Variants in NDEL1 observed in about 807,000 individuals in gnomAD.
NDEL1 encodes nuclear distribution protein nudE-like 1.
A neutral mutation model predicts 45.7 loss-of-function variants in NDEL1; 9 were observed. The observed-to-expected ratio is 0.20, with a 90% CI of 0.12 to 0.34. The LOEUF is 0.34. Among genes scored for constraint, NDEL1 ranks in the 10% least tolerant of loss-of-function variants. NDEL1 has a pLI of 1.00. For synonymous variants in NDEL1, 133 were observed against 158.6 expected (o/e 0.84, Z 1.21); for missense variants, 306 against 406.2 (o/e 0.75, Z 2.12).
At chr17:8,446,489 C>T (rs551382485) in intron 3 of NDEL1, among the ~76,000 whole-genome samples, 59 of 152,204 alleles carry the variant, frequency 3.9e-4, no homozygotes, top group Non-Finnish European at 7.2e-4. Context: ...AACAAGTTTG[C>T]GGATTTTGAG....
In NDEL1 at chr17:8,465,664, C is replaced by T. The variant is rs1466598533; in HGVS notation, c.945-1266C>T. ...TTTTTTTTTTAAGGAGAACCTCTCT[C>T]CATGAGTCTGTATTTAGCTCCCTGG... On this transcript the variant is annotated intron_variant, in intron 8 of 8. Coordinates refer to ENST00000334527, the MANE Select transcript of NDEL1 (RefSeq NM_030808.5). This position sits in a 1 kb window ranked among gnomAD's most constrained non-coding sequence, Gnocchi z 4.9. 1 of 151,956 alleles carries T rather than the reference C, an allele frequency of 6.6e-6. No individual in the cohort carries two copies. Among genetic ancestry groups the T allele is most frequent in the Non-Finnish European group, 1.5e-5 (1 of 68,056 alleles). The allele number at this position is 151,956 out of a possible 1,614,324, so 9.4% of individuals were successfully genotyped here.
intron 8 of NDEL1, chr17:8,463,190 T>C (rs1911331275): frequency 1.6e-6 from 1 of 631,480 alleles, no homozygotes; most frequent in Admixed American, 3.1e-5. Flanking sequence ...TTAGGTAACA[T>C]GTGCTCTATT....
intron 7 of NDEL1, among the ~76,000 whole-genome samples, chr17:8,456,454 A>G (rs1406346225): frequency 1.4e-5 from 2 of 147,260 alleles, no homozygotes; most frequent in Admixed American, 6.7e-5. Flanking sequence ...TTACTTTAAC[A>G]TTCTTGAACT....
intron 1 of NDEL1, among the ~76,000 whole-genome samples, chr17:8,422,123 A>G (rs1347635971): frequency 1.3e-5 from 2 of 152,148 alleles, no homozygotes; most frequent in Non-Finnish European, 2.9e-5. Context: ...CTGGGGGTGG[A>G]GGGTAGACCT....
At chr17:8,432,347 A>ATATATATATATATTAT (rs1597516746), upstream of NDEL1, among the ~76,000 whole-genome samples, 1 of 58,444 alleles carries the variant, frequency 1.7e-5, no homozygotes, top group Non-Finnish European at 3.8e-5. Flanking sequence ...ATTATATATA[A>ATATATATATATATTAT]ATATAAATAT....
At chr17:8,443,146 T>C (rs1242911633) in intron 1 of NDEL1, among the ~76,000 whole-genome samples, 1 of 152,214 alleles carries the variant, frequency 6.6e-6, no homozygotes. Flanking sequence ...GAATCAATTA[T>C]GGTTTAATTC....
chr17:8,449,482 T>TG, intron 5 of NDEL1, among the ~76,000 whole-genome samples: 1 of 152,328 alleles, frequency 6.6e-6, no homozygotes, highest in East Asian at 1.9e-4. Flanking sequence ...GTCAAATTGT[T>TG]GTGTAAACAA....
At chr17:8,458,004 C>A (rs1260951625) in intron 7 of NDEL1, among the ~76,000 whole-genome samples, 1 of 151,950 alleles carries the variant, frequency 6.6e-6, no homozygotes, top group Non-Finnish European at 1.5e-5. Context: ...AAAGCGTGTC[C>A]CCATTTATTG....
At chr17:8,429,245 T>C (rs1015685342) in intron 1 of NDEL1, among the ~76,000 whole-genome samples, 2 of 152,224 alleles carry the variant, frequency 1.3e-5, no homozygotes, top group Non-Finnish European at 2.9e-5. Flanking sequence ...TTTGAAGTTA[T>C]AGCCACCAGA....
chr17:8,463,461 G>T, intron 8 of NDEL1: 1 of 1,022,756 alleles, frequency 9.8e-7, no homozygotes, highest in Non-Finnish European at 1.5e-6. Flanking sequence ...GGCTGACTCA[G>T]CTTTAACCAA....
chr17:8,452,336 G>A (rs1910557902), intron 6 of NDEL1, among the ~76,000 whole-genome samples: 1 of 152,194 alleles, frequency 6.6e-6, no homozygotes, highest in Non-Finnish European at 1.5e-5. Flanking sequence ...CCCACAGGTG[G>A]TGCACATTTT....
chr17:8,435,708 T>C, upstream of NDEL1: 1 of 332,080 alleles, frequency 3.0e-6, no homozygotes, highest in South Asian at 2.1e-5. Context: ...CAGGAGCGCC[T>C]GCGCAAGAGG....
At chr17:8,429,750 A>T (rs1244345181) in intron 1 of NDEL1, among the ~76,000 whole-genome samples, 1 of 152,106 alleles carries the variant, frequency 6.6e-6, no homozygotes, top group Non-Finnish European at 1.5e-5. Flanking sequence ...GTATGAGACT[A>T]CTTTGTTCCT....
intron 1 of NDEL1, among the ~76,000 whole-genome samples, chr17:8,415,463 C>G (rs1369803095): frequency 8.5e-6 from 1 of 118,252 alleles, no homozygotes; most frequent in Non-Finnish European, 1.8e-5. Flanking sequence ...GAGATAGGGT[C>G]TCACTCTGTT....
At chr17:8,418,791 TCTTTTCTTTTC>T (rs927075172) in intron 1 of NDEL1, among the ~76,000 whole-genome samples, 11 of 150,634 alleles carry the variant, frequency 7.3e-5, no homozygotes, top group Non-Finnish European at 1.3e-4. Flanking sequence ...CTCCTTTCTT[TCTTTTCTTTTC>T]CTTTTCTTTT....
At chr17:8,471,999 A>G (rs2012190), downstream of NDEL1, among the ~76,000 whole-genome samples, 147,840 of 152,272 alleles carry the variant, frequency 0.97, 71,931 homozygotes, top group East Asian at 1. Context: ...CCTGGAACTC[A>G]AGGGAGAGGA....
chr17:8,435,098 A>AACAC (rs574370055), upstream of NDEL1, among the ~76,000 whole-genome samples: 6 of 152,016 alleles, frequency 3.9e-5, no homozygotes, highest in South Asian at 1.3e-3. Context: ...CAAACAAACA[A>AACAC]AAACCAAGAT....
chr17:8,450,128 C>CA (rs910157013), intron 5 of NDEL1, among the ~76,000 whole-genome samples: 21 of 144,692 alleles, frequency 1.5e-4, no homozygotes, highest in East Asian at 4.0e-4. Flanking sequence ...ACTAAAAATT[C>CA]AAAAAAAAAA....
Position 8,466,907 on chromosome 17 carries a change from C to T in NDEL1, c.945-23C>T, listed in dbSNP as rs748117325. ...TTTTTCGTTTCCCCTTTCTTCCCTT[C>T]TGTGCTCTGGTTGCTCCCACAGGGC... On this transcript the variant is annotated intron_variant, in intron 8 of 8. Transcript: ENST00000334527. 37 of 1,609,482 alleles carry T rather than the reference C, an allele frequency of 2.3e-5. 2 individuals are homozygous for T. The South Asian group carries it at 4.0e-4, about 17-fold the overall frequency.
Sources: gnomAD v4.1 joint callset for allele counts (sites outside exome capture counted in the v4.1 genomes callset) on GRCh38, gnomAD v4.1.1 for gene constraint, Gnocchi (gnomAD v3.1) non-coding constraint, MANE v1.5 for transcripts, NCBI Gene and HGNC (gene_info 2026-07-23, HGNC 2026-07-21) for gene names.